The following DSCAM variants were observed in gnomAD, a reference collection of about 807,000 sequenced individuals.
DSCAM encodes the protein cell adhesion molecule DSCAM.
In DSCAM, 47 loss-of-function variants were observed where a neutral mutation model predicts 217.7. That is an observed-to-expected ratio of 0.22 (90% CI 0.17 to 0.28). DSCAM has a LOEUF of 0.28. DSCAM is among the 10% of genes least tolerant of loss of function. The pLI, the probability that DSCAM is intolerant of heterozygous loss-of-function variation, is 1.00. For missense variants in DSCAM, 2,080 were observed against 2,618.3 expected (o/e 0.79, Z 4.49); for synonymous variants, 1,056 against 1,015.3 (o/e 1.04, Z -0.76).
chr21:40,678,407 T>G (rs1301814435), intron 3 of DSCAM, among the ~76,000 whole-genome samples: 1 of 152,198 alleles, frequency 6.6e-6, no homozygotes, highest in Non-Finnish European at 1.5e-5. Context: ...CATTCACTGC[T>G]CAGGTGACTT....
chr21:40,607,038 A>C (rs760414791), intron 3 of DSCAM, among the ~76,000 whole-genome samples: 5 of 152,146 alleles, frequency 3.3e-5, no homozygotes, highest in African/African-American at 4.8e-5. Context: ...GAGTCCATTA[A>C]ACCTTTTTCC....
intron 15 of DSCAM, among the ~76,000 whole-genome samples, chr21:40,174,466 A>T (rs994657575): frequency 1.1e-4 from 16 of 151,992 alleles, no homozygotes; most frequent in Non-Finnish European, 1.9e-4. Flanking sequence ...TTCATCAGAG[A>T]TCCATAAACA....
At chr21:40,416,125 G>T (rs1159572763) in intron 3 of DSCAM, among the ~76,000 whole-genome samples, 2 of 152,106 alleles carry the variant, frequency 1.3e-5, no homozygotes, top group African/African-American at 4.8e-5. Flanking sequence ...GACATGAGGG[G>T]ATCCCCTTTT....
At chr21:40,285,072 C>T (rs898514360) in intron 10 of DSCAM, among the ~76,000 whole-genome samples, 3 of 152,004 alleles carry the variant, frequency 2.0e-5, no homozygotes, top group Admixed American at 1.3e-4. Flanking sequence ...TTAAATCAGC[C>T]AGAGGGAATT....
chr21:40,548,701 C>T (rs551876689), intron 3 of DSCAM, among the ~76,000 whole-genome samples: 42 of 152,104 alleles, frequency 2.8e-4, no homozygotes, highest in African/African-American at 9.9e-4. Context: ...TTTGAAAGGC[C>T]AGGGTCACAG....
chr21:40,233,186 T>C (rs908682706), intron 11 of DSCAM, among the ~76,000 whole-genome samples: 2 of 152,288 alleles, frequency 1.3e-5, no homozygotes, highest in East Asian at 3.9e-4. Context: ...AAGTTTTTTT[T>C]AAAATCCCTT....
At chr21:40,697,974 T>G (rs2090613241) in intron 2 of DSCAM, among the ~76,000 whole-genome samples, 1 of 152,230 alleles carries the variant, frequency 6.6e-6, no homozygotes, top group South Asian at 2.1e-4. Context: ...TGAAATAACT[T>G]TCCATTTTGT....
intron 1 of DSCAM, among the ~76,000 whole-genome samples, chr21:40,796,440 AG>A (rs1248416909): frequency 6.6e-6 from 1 of 152,256 alleles, no homozygotes; most frequent in Non-Finnish European, 1.5e-5. Context: ...CATTGATCAC[AG>A]AGACTATAGG....
At chr21:40,496,373 A>G (rs964537252) in intron 3 of DSCAM, among the ~76,000 whole-genome samples, 3 of 152,124 alleles carry the variant, frequency 2.0e-5, no homozygotes, top group African/African-American at 7.2e-5. Flanking sequence ...ACAAATCCAC[A>G]CATTTACAGT....
At chr21:40,208,687 G>A (rs1222202780) in intron 11 of DSCAM, among the ~76,000 whole-genome samples, 2 of 152,146 alleles carry the variant, frequency 1.3e-5, no homozygotes, top group Non-Finnish European at 2.9e-5. Flanking sequence ...TGAGTATGAC[G>A]AGAACATGCA....
intron 16 of DSCAM, among the ~76,000 whole-genome samples, chr21:40,149,219 A>T (rs2090393211): frequency 6.6e-6 from 1 of 151,884 alleles, no homozygotes; most frequent in Non-Finnish European, 1.5e-5. Flanking sequence ...CCATCATTCC[A>T]TCACTATCCC....
chr21:40,563,838 T>TTATATGTTTA (rs2076745433), intron 3 of DSCAM, among the ~76,000 whole-genome samples: 2 of 149,306 alleles, frequency 1.3e-5, no homozygotes, highest in African/African-American at 4.9e-5. Context: ...TTATATATGT[T>TTATATGTTTA]TATATGTTTA....
rs530066013 is a variant in DSCAM, at chr21:40,352,542, C to G, written c.934+923G>C. On this transcript the variant is annotated intron_variant, in intron 5 of 32. Transcript: ENST00000400454. Reference sequence around the variant, plus strand: ...AAGGCAGTCTACACTCAGGTTGACACTGAAGAGAAAGTTCCATAAACAGGG... The same window carrying G: ...AAGGCAGTCTACACTCAGGTTGACAGTGAAGAGAAAGTTCCATAAACAGGG... 4.0e-5 allele frequency among the ~76,000 whole-genome samples: 6 copies of G among 151,808 alleles called. No homozygotes were observed. In the South Asian group the frequency reaches 1.2e-3, roughly 32 times the overall value.
intron 3 of DSCAM, among the ~76,000 whole-genome samples, chr21:40,587,771 G>A (rs1361958127): frequency 6.6e-6 from 1 of 152,016 alleles, no homozygotes. Flanking sequence ...GGTGTGAGCT[G>A]GAGTTGAAAG....
chr21:40,612,643 G>A (rs2089331125), intron 3 of DSCAM, among the ~76,000 whole-genome samples: 8 of 152,220 alleles, frequency 5.3e-5, no homozygotes, highest in Admixed American at 5.2e-4. Context: ...GCCAATGGCA[G>A]TTTTAAGGGG....
chr21:40,143,567 A>G (rs920714958), intron 17 of DSCAM, among the ~76,000 whole-genome samples: 5 of 152,188 alleles, frequency 3.3e-5, no homozygotes, highest in East Asian at 3.9e-4. Context: ...CGAGGCGGGC[A>G]GATCACGAGG....
chr21:40,044,312 C>A, intron 30 of DSCAM, 37 bp from the exon 31 acceptor site: 1 of 1,591,510 alleles, frequency 6.3e-7, no homozygotes, highest in Non-Finnish European at 8.6e-7. Flanking sequence ...CCTTTGTCTG[C>A]AGGAGTGTGG....
intron 10 of DSCAM, among the ~76,000 whole-genome samples, chr21:40,294,963 C>T (rs958322958): frequency 6.6e-6 from 1 of 152,126 alleles, no homozygotes. Flanking sequence ...TGTCTAGCAA[C>T]CTTCCCCACT....
chr21:40,577,403 C>T (rs13052206), intron 3 of DSCAM, among the ~76,000 whole-genome samples: 9,518 of 152,212 alleles, frequency 0.063, 361 homozygotes, highest in South Asian at 0.15. Flanking sequence ...GATCCGCTCT[C>T]CTCCGGAAGA....
Sources: allele counts gnomAD v4.1 joint callset (sites outside exome capture counted in the v4.1 genomes callset), GRCh38; gene constraint gnomAD v4.1.1; transcripts MANE v1.5; gene names NCBI Gene and HGNC (gene_info 2026-07-23, HGNC 2026-07-21).